ACACA: variants seen among roughly 807,000 people sequenced by gnomAD.
The protein encoded by ACACA is acetyl-CoA carboxylase 1.
ACACA carries 103 observed loss-of-function variants against 296.1 expected under a neutral mutation model. The observed-to-expected ratio is 0.35, with a 90% CI of 0.30 to 0.41. The LOEUF is 0.41. ACACA is among the 10% of genes least tolerant of loss of function. The probability of loss-of-function intolerance (pLI) is 1.00; values close to 1 mark genes in which losing one functional copy is unlikely to be tolerated. For missense variants in ACACA, 1,554 were observed against 2,989.7 expected (o/e 0.52, Z 11.20); for synonymous variants, 953 against 1,038.6 (o/e 0.92, Z 1.58).
At chr17:37,206,967 T>C (rs1769962876) in intron 31 of ACACA, 88 bp from the exon 32 acceptor site, 1 of 1,184,472 alleles carries the variant, frequency 8.4e-7, no homozygotes, top group Admixed American at 1.8e-5. Flanking sequence ...AAAAGAATAA[T>C]CTATCTTAGC....
At chr17:37,281,058 C>CTTT (rs34828277) in intron 5 of ACACA, among the ~76,000 whole-genome samples, 2 of 136,944 alleles carry the variant, frequency 1.5e-5, no homozygotes, top group African/African-American at 5.5e-5. Context: ...GTCTTTCTCT[C>CTTT]TTTTTTTTTT....
chr17:37,120,261 C>T (rs879844314), intron 50 of ACACA, among the ~76,000 whole-genome samples: 20 of 151,422 alleles, frequency 1.3e-4, no homozygotes, highest in Non-Finnish European at 2.4e-4. Context: ...CCTAACCTAT[C>T]CTACTGTTTT....
At chr17:37,098,390 T>C (rs1039107327) in intron 52 of ACACA, among the ~76,000 whole-genome samples, 12 of 152,258 alleles carry the variant, frequency 7.9e-5, no homozygotes. Context: ...TCAAAGCAGC[T>C]GGGCTATTCC....
At chr17:37,168,993 C>T (rs2076787795) in intron 41 of ACACA, among the ~76,000 whole-genome samples, 1 of 152,160 alleles carries the variant, frequency 6.6e-6, no homozygotes, top group South Asian at 2.1e-4. Context: ...TTTATTTATA[C>T]AGAACCTTTC....
At chr17:37,289,524 A>C in intron 3 of ACACA, 1 of 1,349,998 alleles carries the variant, frequency 7.4e-7, no homozygotes, top group Non-Finnish European at 9.8e-7. Flanking sequence ...CGAGTATTTC[A>C]AAGTCTGAGG....
At chr17:37,287,370 T>C (rs1422367956) in intron 3 of ACACA, among the ~76,000 whole-genome samples, 1 of 152,080 alleles carries the variant, frequency 6.6e-6, no homozygotes, top group Non-Finnish European at 1.5e-5. Flanking sequence ...GAGTGGGCAT[T>C]TTCCCTATAC....
intron 52 of ACACA, 57 bp from the exon 53 acceptor site, chr17:37,098,041 C>G (rs2142734821): frequency 6.2e-7 from 1 of 1,608,844 alleles, no homozygotes; most frequent in Non-Finnish European, 8.5e-7. Flanking sequence ...TCTCTCTGCA[C>G]AAAAGCAGCC....
intron 55 of ACACA, 41 bp downstream of exon 55, chr17:37,088,897 T>C: frequency 1.2e-6 from 2 of 1,611,402 alleles, no homozygotes; most frequent in Non-Finnish European, 1.7e-6. Flanking sequence ...CCAAAGAAAT[T>C]AGCCCTCCTT....
chr17:37,177,403 C>T (rs926335015), intron 41 of ACACA, among the ~76,000 whole-genome samples: 2 of 151,954 alleles, frequency 1.3e-5, no homozygotes, highest in African/African-American at 4.8e-5. Context: ...CTTGTAATTT[C>T]AGCAAGAACA....
chr17:37,330,093 T>C, intron 3 of ACACA, 80 bp downstream of exon 3: 1 of 1,561,566 alleles, frequency 6.4e-7, no homozygotes, highest in Non-Finnish European at 8.8e-7. Context: ...TTAGCTGAAA[T>C]CATCCTTGCT....
At chr17:37,382,288 T>C (rs2050329223) in intron 1 of ACACA, among the ~76,000 whole-genome samples, 1 of 152,090 alleles carries the variant, frequency 6.6e-6, no homozygotes, top group African/African-American at 2.4e-5. Flanking sequence ...CAGTGGTTCT[T>C]AACCTCAGCC....
At chr17:37,105,174 C>G (rs182167373) in intron 52 of ACACA, among the ~76,000 whole-genome samples, 1 of 152,264 alleles carries the variant, frequency 6.6e-6, no homozygotes, top group African/African-American at 2.4e-5. Flanking sequence ...CTCTGCTCAG[C>G]CAAAGGCTCT....
Position 37,328,340 on chromosome 17 carries a change from G to A in ACACA, c.338+1833C>T, listed in dbSNP as rs1195640048. Among the ~76,000 whole-genome samples, 5 of 152,200 alleles carry A rather than the reference G, an allele frequency of 3.3e-5. No homozygotes were observed. The East Asian group carries it at 9.6e-4, about 29-fold the overall frequency. ...CCAGCACTTTGGCAGGCCATGATAG[G>A]AGGATCGCTTGAGGCCAGGAGTTCA... On this transcript the variant is annotated intron_variant, in intron 3 of 55. Transcript: ENST00000616317.
In ACACA at chr17:37,097,064, C is replaced by G. The variant is rs2073037996; in HGVS notation, c.6823G>C (p.Glu2275Gln). 1.4e-5 allele frequency: 22 copies of G among 1,614,012 alleles called. No homozygotes were observed. The highest frequency in any genetic ancestry group is 1.9e-5 in the Non-Finnish European group (22 of 1,180,048). ...GCTTGAATCTGGCCATCAGTCAGCT[C>G]AGGGTTGGCATTGTGGATTTTCTTC... ...VKKKIHNANP[E>Q]LTDGQIQAML... Residue 2275 changes from glutamate to glutamine, a missense_variant, in exon 54 of 56, where the codon GAG becomes CAG. Coordinates refer to ENST00000616317, the MANE Select transcript of ACACA (RefSeq NM_198834.3). The surrounding 1 kb of genome is among the most constrained non-coding windows in gnomAD (Gnocchi z 4.8).
intron 1 of ACACA, among the ~76,000 whole-genome samples, chr17:37,369,767 G>A (rs1293782910): frequency 1.3e-5 from 2 of 151,990 alleles, no homozygotes; most frequent in East Asian, 3.9e-4. Flanking sequence ...GGGCAGTGGT[G>A]CAATCTTGGC....
Position 37,205,837 on chromosome 17 carries a change from C to T in ACACA, c.3984G>A (p.Val1328=), listed in dbSNP as rs200480233. 5.6e-6 allele frequency: 9 copies of T among 1,613,294 alleles called. No individual in the cohort carries two copies. The highest frequency in any genetic ancestry group is 1.3e-5 in the African/African-American group (1 of 74,882). The change falls in exon 33 of 56, where the codon GTG becomes GTA. Residue 1328 remains valine, a synonymous_variant. Transcript: ENST00000616317. Reference sequence around the variant, plus strand: ...CAATATCACAGTCAGTCTTGATAGCCACATTGAGAATGTGAATTGGTTCAT... The same window carrying T: ...CAATATCACAGTCAGTCTTGATAGCTACATTGAGAATGTGAATTGGTTCAT... ...PRDEPIHILN[V]AIKTDCDIED...
intron 39 of ACACA, among the ~76,000 whole-genome samples, chr17:37,183,168 G>C (rs1278925910): frequency 2.0e-5 from 3 of 152,180 alleles, no homozygotes; most frequent in Non-Finnish European, 4.4e-5. Flanking sequence ...TCTGTTAAGA[G>C]AGACAAGACC....
intron 8 of ACACA, among the ~76,000 whole-genome samples, chr17:37,275,371 C>T (rs2082235511): frequency 6.6e-6 from 1 of 151,716 alleles, no homozygotes; most frequent in Non-Finnish European, 1.5e-5. Flanking sequence ...GTGGCGGGTG[C>T]CTGTAATCCC....
chr17:37,150,132 G>T (rs2075975682), intron 44 of ACACA, among the ~76,000 whole-genome samples, 158 bp from the exon 45 acceptor site: 1 of 152,132 alleles, frequency 6.6e-6, no homozygotes, highest in African/African-American at 2.4e-5. Flanking sequence ...AAATTTCATG[G>T]TCAAAGAAAA....
Sources: allele counts gnomAD v4.1 joint callset (sites outside exome capture counted in the v4.1 genomes callset), GRCh38; gene constraint gnomAD v4.1.1; non-coding constraint Gnocchi (gnomAD v3.1); transcripts MANE v1.5; gene names NCBI Gene and HGNC (gene_info 2026-07-23, HGNC 2026-07-21).